Variants in LAMA2 observed in about 807,000 individuals in gnomAD.
LAMA2 encodes laminin subunit alpha 2.
LAMA2 carries 269 observed loss-of-function variants against 364.8 expected under a neutral mutation model. The observed-to-expected ratio is 0.74, with a 90% CI of 0.67 to 0.82. The LOEUF (loss-of-function observed/expected upper bound fraction) is 0.82. Ranked by LOEUF, LAMA2 falls within the 40% of genes least tolerant of loss-of-function variation. The pLI is 0.00. For synonymous variants in LAMA2, 1,379 were observed against 1,370.6 expected (o/e 1.01, Z -0.14); for missense variants, 3,807 against 3,873.2 (o/e 0.98, Z 0.45).
chr6:129,275,246 T>TTAGTGCTCTTTCCTACACATTA (rs1752987128), intron 17 of LAMA2, among the ~76,000 whole-genome samples: 2 of 152,110 alleles, frequency 1.3e-5, no homozygotes, highest in South Asian at 4.2e-4. Flanking sequence ...TCTAGATGTT[T>TTAGTGCTCTTTCCTACACATTA]TAGTGCTCTT....
intron 41 of LAMA2, among the ~76,000 whole-genome samples, chr6:129,436,294 C>T (rs535162663): frequency 1.3e-5 from 2 of 152,144 alleles, no homozygotes; most frequent in Non-Finnish European, 2.9e-5. Flanking sequence ...CCAGCTCCCA[C>T]CAGCCCCTAC....
chr6:129,114,565 T>C (rs1776349987), intron 4 of LAMA2, among the ~76,000 whole-genome samples: 1 of 152,064 alleles, frequency 6.6e-6, no homozygotes, highest in Non-Finnish European at 1.5e-5. Context: ...AATCCAGTGA[T>C]AAGAATGAAT....
rs11967042 is a variant in LAMA2 at position 129,297,914 on chromosome 6, G to A, written c.3037+49G>A. The A allele has an allele frequency of 0.1, 155,502 of 1,504,734 alleles. 11,065 individuals carry two copies. Among genetic ancestry groups the A allele is most frequent in the East Asian group, 0.39 (17,094 of 44,094 alleles). The allele number at this position is 1,504,734 out of a possible 1,614,324, so 93.2% of individuals were successfully genotyped here. On this transcript the variant is annotated intron_variant, in intron 21 of 64. Transcript: ENST00000421865. ...TACATATTCACTCTGATAGTTTTAGGGTCTGACTTCTGTAACAGTTTGTTC... is the reference window on the plus strand; with the variant it reads ...TACATATTCACTCTGATAGTTTTAGAGTCTGACTTCTGTAACAGTTTGTTC...
At chr6:128,960,961 C>T (rs1781450568) in intron 1 of LAMA2, among the ~76,000 whole-genome samples, 1 of 151,442 alleles carries the variant, frequency 6.6e-6, no homozygotes, top group South Asian at 2.1e-4. Flanking sequence ...TTTTGCTGTC[C>T]AATAATGTTT....
At chr6:129,479,935 A>C (rs1202606871) in intron 54 of LAMA2, 1 of 152,166 alleles carries the variant, frequency 6.6e-6, no homozygotes, top group Non-Finnish European at 1.5e-5. Context: ...TCTTAAAGGA[A>C]GTTTTACTGA....
intron 1 of LAMA2, among the ~76,000 whole-genome samples, chr6:129,025,523 G>A (rs1785751306): frequency 6.6e-6 from 1 of 152,096 alleles, no homozygotes; most frequent in Admixed American, 6.5e-5. Context: ...TTCATCGATA[G>A]CTTTATTAGT....
intron 29 of LAMA2, among the ~76,000 whole-genome samples, chr6:129,333,100 C>T (rs1775754427): frequency 6.6e-6 from 1 of 151,972 alleles, no homozygotes; most frequent in South Asian, 2.1e-4. Flanking sequence ...CCATTTTAGC[C>T]AGGCTGATTT....
At chr6:128,958,059 C>T (rs1258955907) in intron 1 of LAMA2, among the ~76,000 whole-genome samples, 1 of 151,814 alleles carries the variant, frequency 6.6e-6, no homozygotes, top group Non-Finnish European at 1.5e-5. Context: ...TTAAAGATTA[C>T]CATGTACTCC....
chr6:129,305,325 C>CT (rs200290155), intron 22 of LAMA2, among the ~76,000 whole-genome samples: 42,259 of 144,980 alleles, frequency 0.29, 6,301 homozygotes, highest in South Asian at 0.38. Context: ...TAATGTGTGC[C>CT]TTTTTTTTTT....
intron 37 of LAMA2, among the ~76,000 whole-genome samples, chr6:129,397,452 C>T (rs1779716281): frequency 6.6e-6 from 1 of 152,138 alleles, no homozygotes; most frequent in African/African-American, 2.4e-5. Flanking sequence ...ATGTGTTCTT[C>T]CTCACATCCC....
At position 129,366,231 on chromosome 6, in the gene LAMA2, A is replaced by C. The variant is rs1777765868; in HGVS notation, c.4730A>C (p.Glu1577Ala). ...TTCTCTTTCACAGTTTGTGGAGATG[A>C]GTGCACTGGCCTTCTTCTCGGTGAC... ...EGWECVFCGD[E>A]CTGLLLGDLA... Residue 1577 changes from glutamate to alanine, a missense_variant, in exon 33 of 65, where the codon GAG becomes GCG. Glu to Ala is a moderately radical substitution (Grantham distance 107). This residue lies in a region of LAMA2 where 3,333 missense variants were observed against 3,345.7 expected (regional missense o/e 1.00). Coordinates refer to ENST00000421865, the MANE Select transcript of LAMA2 (RefSeq NM_000426.4). 3.1e-6 allele frequency: 5 copies of C among 1,613,174 alleles called. No homozygotes were observed.
chr6:129,034,388 C>A (rs1243676467), intron 1 of LAMA2, among the ~76,000 whole-genome samples: 1 of 152,002 alleles, frequency 6.6e-6, no homozygotes, highest in Non-Finnish European at 1.5e-5. Flanking sequence ...TACAGAGGTG[C>A]ACTATTTTGT....
intron 54 of LAMA2, chr6:129,479,668 T>G (rs948249579): frequency 8.5e-5 from 13 of 152,218 alleles, no homozygotes; most frequent in African/African-American, 3.1e-4. Flanking sequence ...TCATTTTGTC[T>G]GCTGCTTCTA....
At chr6:129,054,183 T>A (rs1334270137) in intron 2 of LAMA2, among the ~76,000 whole-genome samples, 1 of 152,102 alleles carries the variant, frequency 6.6e-6, no homozygotes, top group Non-Finnish European at 1.5e-5. Flanking sequence ...ACATTTAGAT[T>A]ATGAGCCTCT....
At chr6:129,442,922 G>A (rs1302980627) in intron 43 of LAMA2, 141 bp from the exon 44 acceptor site, 4 of 599,010 alleles carry the variant, frequency 6.7e-6, no homozygotes, top group Non-Finnish European at 1.2e-5. Flanking sequence ...AATTGCTTCA[G>A]TTAAAATGGG....
intron 29 of LAMA2, among the ~76,000 whole-genome samples, chr6:129,336,813 A>G (rs910566437): frequency 6.6e-6 from 1 of 152,230 alleles, no homozygotes; most frequent in Non-Finnish European, 1.5e-5. Flanking sequence ...GATATCTCCA[A>G]TGATGAGGCG....
intron 14 of LAMA2, among the ~76,000 whole-genome samples, chr6:129,260,180 A>G (rs1787018619): frequency 1.3e-5 from 2 of 152,196 alleles, no homozygotes; most frequent in Non-Finnish European, 2.9e-5. Flanking sequence ...AGATCATTCT[A>G]AGTCAGTCAA....
chr6:128,947,646 A>G (rs1780560013), intron 1 of LAMA2, among the ~76,000 whole-genome samples: 1 of 152,164 alleles, frequency 6.6e-6, no homozygotes, highest in Admixed American at 6.6e-5. Flanking sequence ...TACTTTTATA[A>G]CCTGAGAGAT....
chr6:129,213,904 T>C (rs947347536), intron 12 of LAMA2, among the ~76,000 whole-genome samples: 1 of 152,136 alleles, frequency 6.6e-6, no homozygotes, highest in African/African-American at 2.4e-5. Context: ...TTGACTTTAG[T>C]GTTATATATA....
Sources: allele counts gnomAD v4.1 joint callset (sites outside exome capture counted in the v4.1 genomes callset), GRCh38; gene constraint gnomAD v4.1.1; regional missense constraint gnomAD v4.1.1; transcripts MANE v1.5; gene names NCBI Gene and HGNC (gene_info 2026-07-23, HGNC 2026-07-21).